MESD: variants seen among roughly 807,000 people sequenced by gnomAD.
MESD encodes the protein mesoderm development LRP chaperone, also known as LRP chaperone MESD.
In MESD, 7 loss-of-function variants were observed where a neutral mutation model predicts 12.9. That is an observed-to-expected ratio of 0.54 (90% CI 0.31 to 1.02). The LOEUF (loss-of-function observed/expected upper bound fraction) is 1.02. MESD is among the 50% of genes least tolerant of loss of function. MESD has a pLI of 0.05. For missense variants in MESD, 342 were observed against 296.7 expected (o/e 1.15, Z -1.12); for synonymous variants, 126 against 115.6 (o/e 1.09, Z -0.58).
intron 3 of MESD, among the ~76,000 whole-genome samples, chr15:80,966,315 C>G (rs1296498204): frequency 6.6e-6 from 1 of 151,800 alleles, no homozygotes; most frequent in Non-Finnish European, 1.5e-5. Context: ...TTGACAGGTT[C>G]AAATAACCTA....
intron 2 of MESD, 99 bp downstream of exon 2, chr15:80,981,851 G>A (rs1902587860): frequency 3.2e-6 from 3 of 927,418 alleles, no homozygotes; most frequent in Non-Finnish European, 4.9e-6. Context: ...GCAAAACTCT[G>A]TCTCAAAAAA....
chr15:80,949,132 C>A, intron 4 of MESD: 1 of 651,240 alleles, frequency 1.5e-6, no homozygotes, highest in Non-Finnish European at 2.7e-6. Context: ...GCCCCTGGGG[C>A]GGTGCTGGCC....
chr15:80,949,104 C>T (rs1182675529), intron 4 of MESD: 3 of 777,702 alleles, frequency 3.9e-6, no homozygotes, highest in African/African-American at 3.4e-5. Context: ...CCTGCCCCTA[C>T]TCAAGTGTCT....
chr15:80,966,491 CAG>C (rs1167736454), intron 3 of MESD, among the ~76,000 whole-genome samples: 3 of 152,210 alleles, frequency 2.0e-5, no homozygotes, highest in Non-Finnish European at 4.4e-5. Context: ...GTATTACAGA[CAG>C]AGAGACCTGA....
chr15:80,958,393 C>T lies in MESD; in HGVS notation c.*289-6097G>A, dbSNP rs548790498. On this transcript the variant is annotated intron_variant, in intron 3 of 4. Transcript: ENST00000561312. ...TCACCCAGGCTGAAGAGCAGTGGTGCGATCTTGGCTCACTGCAACCTTCAC... is the reference window on the plus strand; with the variant it reads ...TCACCCAGGCTGAAGAGCAGTGGTGTGATCTTGGCTCACTGCAACCTTCAC... Among the ~76,000 whole-genome samples, 15 of 152,232 alleles carry T rather than the reference C, an allele frequency of 9.9e-5. No individual in the cohort carries two copies. The South Asian group carries it at 2.7e-3, about 27-fold the overall frequency.
intron 3 of MESD, among the ~76,000 whole-genome samples, chr15:80,969,025 C>CA (rs922458354): frequency 2.0e-5 from 3 of 152,030 alleles, no homozygotes; most frequent in African/African-American, 7.2e-5. Context: ...CCTGTCTCTA[C>CA]AAAAAATATT....
intron 3 of MESD, among the ~76,000 whole-genome samples, chr15:80,960,591 T>C (rs780726073): frequency 4.6e-5 from 7 of 152,174 alleles, no homozygotes; most frequent in Admixed American, 2.0e-4. Flanking sequence ...ACACTTGATA[T>C]ATGGTTGAAT....
intron 3 of MESD, among the ~76,000 whole-genome samples, chr15:80,962,554 C>T (rs1279029375): frequency 6.6e-6 from 1 of 152,196 alleles, no homozygotes; most frequent in Non-Finnish European, 1.5e-5. Flanking sequence ...AGCACCGCAT[C>T]ACACTTATTC....
chr15:80,975,437 C>G (rs1300729793), downstream of MESD, among the ~76,000 whole-genome samples: 1 of 151,872 alleles, frequency 6.6e-6, no homozygotes, highest in Non-Finnish European at 1.5e-5. Context: ...AAGCAAGGCT[C>G]AGAAATGTCC....
rs1386638869 is a variant in MESD at position 80,979,008 on chromosome 15, T to C, written c.*211A>G. On this transcript the variant is annotated 3_prime_UTR_variant, in exon 3 of 3. Transcript: ENST00000261758. ...TATAGTAAACATGAATTTGTCAGTG[T>C]CCAGTATTAATTAGAAAACATCTGT... The C allele has an allele frequency of 1.6e-6, 1 of 614,398 alleles. No homozygotes were observed. Among genetic ancestry groups the C allele is most frequent in the Non-Finnish European group, 2.8e-6 (1 of 359,718 alleles). 38.1% of individuals were successfully genotyped at this position (614,398 alleles called of 1,614,324 possible).
chr15:80,951,259 GAT>G (rs1596220632), intron 4 of MESD: 1 of 152,630 alleles, frequency 6.6e-6, no homozygotes, highest in East Asian at 1.9e-4. Flanking sequence ...ATTTAAAAAA[GAT>G]ATCTATTTGA....
chr15:80,954,909 TCTC>T (rs1383656766), intron 3 of MESD, among the ~76,000 whole-genome samples: 1 of 152,126 alleles, frequency 6.6e-6, no homozygotes. Context: ...CCAAGACAAT[TCTC>T]CTTCCAATGT....
Position 80,949,071 on chromosome 15 carries a change from T to C in MESD, c.*627-173A>G, listed in dbSNP as rs1901699224. 13 of 1,079,158 alleles carry C rather than the reference T, an allele frequency of 1.2e-5. No individual in the cohort carries two copies. In the South Asian group the frequency reaches 1.5e-4, roughly 13 times the overall value. The allele number at this position is 1,079,158 out of a possible 1,614,324, so 66.8% of individuals were successfully genotyped here. On this transcript the variant is annotated intron_variant, in intron 4 of 4. Coordinates refer to the MESD transcript ENST00000561312. ...CAGCCCTGATGGGCCAAGGGAAGGCTATCAGAGACCCTGGTGCTGCCACCT... is the reference window on the plus strand; with the variant it reads ...CAGCCCTGATGGGCCAAGGGAAGGCCATCAGAGACCCTGGTGCTGCCACCT...
chr15:80,972,282 T>C (rs1188631964), downstream of MESD, among the ~76,000 whole-genome samples: 3 of 152,198 alleles, frequency 2.0e-5, no homozygotes, highest in Non-Finnish European at 4.4e-5. Flanking sequence ...GGTCGAACAC[T>C]TAGGGCAAGT....
chr15:80,989,778 C>G lies in MESD; in HGVS notation c.14G>C (p.Arg5Thr). 6.3e-7 allele frequency: 1 copy of G among 1,585,146 alleles called. No individual in the cohort carries two copies. The change falls in exon 1 of 3, where the codon AGG becomes ACG. Residue 5 changes from arginine to threonine, a missense_variant. Coordinates refer to ENST00000261758, the MANE Select transcript of MESD (RefSeq NM_015154.3). The stretch of plus-strand genomic sequence containing the variant: ...CAGGACCACGGCCTTGCGCGCCCAC[C>G]TGGAAGCCGCCATTTTCGCTGCGCC... Reference protein sequence around the residue: MAASRWARKAVVLLC... With the variant: MAASTWARKAVVLLC...
At chr15:80,980,798 G>A (rs1225101262) in intron 2 of MESD, among the ~76,000 whole-genome samples, 1 of 150,416 alleles carries the variant, frequency 6.6e-6, no homozygotes, top group Non-Finnish European at 1.5e-5. Flanking sequence ...AAACTTAACT[G>A]CTTTTACCAA....
At position 80,956,299 on chromosome 15, in the gene MESD, C is replaced by T. The variant is rs539218489; in HGVS notation, c.*289-4003G>A. ...CTATGATGACATGAAGTGTGTTGGA[C>T]GGAGAGCTCTGGGCTAAGAATCGGA... On this transcript the variant is annotated intron_variant, in intron 3 of 4. Transcript: ENST00000561312. Among the ~76,000 whole-genome samples the T allele has an allele frequency of 6.3e-4, 96 of 152,280 alleles. 1 individual carries two copies. The highest frequency in any genetic ancestry group is 6.8e-3 in the Middle Eastern group (2 of 294).
intron 3 of MESD, among the ~76,000 whole-genome samples, chr15:80,956,026 C>T (rs1901975286): frequency 6.6e-6 from 1 of 151,766 alleles, no homozygotes. Context: ...CTCATCTCTA[C>T]AAAAAATACA....
At position 80,979,054 on chromosome 15, in the gene MESD, A is replaced by T; in HGVS notation, c.*165T>A. 1.2e-6 allele frequency: 1 copy of T among 844,646 alleles called. No homozygotes were observed. Among genetic ancestry groups the T allele is most frequent in the Non-Finnish European group, 1.8e-6 (1 of 544,344 alleles). The allele number at this position is 844,646 out of a possible 1,614,324, so 52.3% of individuals were successfully genotyped here. A position where few individuals can be genotyped will look rare whatever the true frequency, so the allele number is the denominator to read the frequency against. On this transcript the variant is annotated 3_prime_UTR_variant, in exon 3 of 3. Coordinates refer to ENST00000261758, the MANE Select transcript of MESD (RefSeq NM_015154.3). ...TCTGTCTTCTTACTTGAAGCCTATT[A>T]AGCAGTAATTCTTTGACCACAAACT...
Sources: gnomAD v4.1 joint callset for allele counts (sites outside exome capture counted in the v4.1 genomes callset) on GRCh38, gnomAD v4.1.1 for gene constraint, MANE v1.5 for transcripts, NCBI Gene and HGNC (gene_info 2026-07-23, HGNC 2026-07-21) for gene names.